AKAP13: variants seen among roughly 807,000 people sequenced by gnomAD.
The protein encoded by AKAP13 is A-kinase anchoring protein 13, also known as A-kinase anchor protein 13.
AKAP13 carries 80 observed loss-of-function variants against 264.5 expected under a neutral mutation model. The observed-to-expected ratio is 0.30, with a 90% CI of 0.25 to 0.36. AKAP13 has a LOEUF of 0.36. Ranked by LOEUF, AKAP13 falls within the 10% of genes least tolerant of loss-of-function variation. The pLI, the probability that AKAP13 is intolerant of heterozygous loss-of-function variation, is 1.00. For synonymous variants in AKAP13, 1,380 were observed against 1,250.2 expected (o/e 1.10, Z -2.19); for missense variants, 3,712 against 3,435.2 (o/e 1.08, Z -2.01).
At chr15:85,548,919 T>C (rs1452963320) in intron 5 of AKAP13, among the ~76,000 whole-genome samples, 1 of 151,678 alleles carries the variant, frequency 6.6e-6, no homozygotes, top group African/African-American at 2.4e-5. Flanking sequence ...TTTTTTTTTT[T>C]TGGTCTCACA....
chr15:85,610,600 C>T (rs1168883305), intron 8 of AKAP13, among the ~76,000 whole-genome samples: 1 of 152,092 alleles, frequency 6.6e-6, no homozygotes, highest in Admixed American at 6.5e-5. Flanking sequence ...TTATAGCAAC[C>T]ATTATATAAG....
chr15:85,543,878 C>A lies in AKAP13; in HGVS notation c.585C>A (p.Ile195=). The part of the protein sequence containing the change: ...QKPGGRGALS[I]HNQEGATPVS... ...CAGGTGGCCGCGGAGCTCTCAGTAT[C>A]CACAACCAGGAAGGGGCGACGCCTG... is the stretch of plus-strand genomic sequence containing the variant. Residue 195 remains isoleucine (I), a synonymous_variant, in exon 5 of 37, where the codon ATC becomes ATA. Coordinates refer to ENST00000394518, the MANE Select transcript of AKAP13 (RefSeq NM_007200.5). 2 of 1,614,086 alleles carry A rather than the reference C, an allele frequency of 1.2e-6. No individual in the cohort carries two copies. The highest frequency in any genetic ancestry group is 1.7e-5 in the Admixed American group (1 of 60,006).
chr15:85,578,817 T>A (rs913972033), intron 6 of AKAP13, 113 bp from the exon 7 acceptor site: 1 of 949,008 alleles, frequency 1.1e-6, no homozygotes, highest in Non-Finnish European at 1.6e-6. Context: ...TCATGTGACC[T>A]TAGAAGAGCT....
At chr15:85,467,645 T>C (rs1489979169) in intron 1 of AKAP13, among the ~76,000 whole-genome samples, 1 of 152,242 alleles carries the variant, frequency 6.6e-6, no homozygotes, top group Admixed American at 6.5e-5. Context: ...TTTTCATATC[T>C]GTTTCTCTTG....
chr15:85,685,395 A>G (rs865816637), intron 16 of AKAP13: 1 of 152,224 alleles, frequency 6.6e-6, no homozygotes, highest in African/African-American at 2.4e-5. Flanking sequence ...TCTTAGATCT[A>G]TTTCTAATTA....
chr15:85,515,053 G>T lies in AKAP13; in HGVS notation c.34-6375G>T, dbSNP rs1420284840. Among the ~76,000 whole-genome samples the T allele has an allele frequency of 5.1e-5, 7 of 137,618 alleles. 1 individual carries two copies. Among genetic ancestry groups the T allele is most frequent in the Non-Finnish European group, 7.8e-5 (5 of 64,490 alleles). 90.3% of individuals were successfully genotyped at this position (137,618 alleles called of 152,430 possible). On this transcript the variant is annotated intron_variant, in intron 2 of 36. Transcript: ENST00000394518. Reference sequence around the variant, plus strand: ...GATTCTGGATTGAAAGGTAGTTTTTGTTATAATTTCACAATTCTTGGAGCC... The same window carrying T: ...GATTCTGGATTGAAAGGTAGTTTTTTTTATAATTTCACAATTCTTGGAGCC...
At chr15:85,423,730 G>T (rs536094580) in intron 1 of AKAP13, among the ~76,000 whole-genome samples, 7 of 152,292 alleles carry the variant, frequency 4.6e-5, no homozygotes, top group African/African-American at 1.7e-4. Flanking sequence ...TTTGCAGAAG[G>T]TTTTCAGTTG....
At chr15:85,685,466 G>C (rs1567194616) in intron 16 of AKAP13, 1 of 144,316 alleles carries the variant, frequency 6.9e-6, no homozygotes, top group African/African-American at 2.6e-5. Context: ...TAAACCGTGT[G>C]TGTGTGTGTG....
At position 85,521,461 on chromosome 15, in the gene AKAP13, G is replaced by A; in HGVS notation, c.67G>A (p.Glu23Lys). ...TGTTGTTACAGTGCTGCTTGCTGAA[G>A]AGGACAAAGCTGAAGATGATGTAGT... The part of the protein sequence containing the change: ...DCVVTVLLAE[E>K]DKAEDDVVFY... Residue 23 changes from glutamate (E) to lysine (K), a missense_variant, in exon 3 of 37, where the codon GAG becomes AAG. This residue lies in a region of AKAP13 where 2,759 missense variants were observed against 2,411.7 expected (regional missense o/e 1.14). Transcript: ENST00000394518. 4 of 1,614,082 alleles carry A rather than the reference G, an allele frequency of 2.5e-6. No homozygotes were observed. Among genetic ancestry groups the A allele is most frequent in the Non-Finnish European group, 3.4e-6 (4 of 1,179,980 alleles).
intron 8 of AKAP13, among the ~76,000 whole-genome samples, chr15:85,588,559 G>T (rs1047981574): frequency 6.6e-6 from 1 of 151,990 alleles, no homozygotes; most frequent in Admixed American, 6.6e-5. Context: ...TTCTGATGAG[G>T]GATATCTCTA....
chr15:85,567,547 A>C (rs1356340895), intron 5 of AKAP13, among the ~76,000 whole-genome samples: 2 of 152,212 alleles, frequency 1.3e-5, no homozygotes, highest in African/African-American at 4.8e-5. Context: ...AGCTGTGTGC[A>C]TGTGCTTTTG....
intron 9 of AKAP13, among the ~76,000 whole-genome samples, chr15:85,645,567 C>T (rs900830964): frequency 1.3e-4 from 20 of 152,024 alleles, no homozygotes; most frequent in Admixed American, 2.6e-4. Flanking sequence ...CTAATATAAA[C>T]GTGGCAGATG....
intron 8 of AKAP13, among the ~76,000 whole-genome samples, chr15:85,600,148 C>A (rs2079991190): frequency 6.6e-6 from 1 of 152,034 alleles, no homozygotes; most frequent in African/African-American, 2.4e-5. Flanking sequence ...AAAAGGATAA[C>A]TAAACATAAG....
Position 85,741,099 on chromosome 15 carries a change from C to G in AKAP13, c.7662C>G (p.Ser2554Arg). 6.2e-7 allele frequency: 1 copy of G among 1,613,412 alleles called. No homozygotes were observed. Among genetic ancestry groups the G allele is most frequent in the Non-Finnish European group, 8.5e-7 (1 of 1,179,794 alleles). The change falls in exon 35 of 37, where the codon AGC (serine) becomes AGG (arginine). Residue 2554 changes from serine to arginine, a missense_variant. Physicochemically the swap from Ser to Arg is moderately radical, Grantham distance 110. Around this residue, in one of 3 missense-constraint regions of AKAP13, gnomAD observed 611 missense variants for 539.3 expected, o/e 1.13. Transcript: ENST00000394518. ...TTGAGGACCAGAAACTGGTGCTGAGCGAGAGGGCGCTCACTCGCAGCTTGT... is the reference window on the plus strand; with the variant it reads ...TTGAGGACCAGAAACTGGTGCTGAGGGAGAGGGCGCTCACTCGCAGCTTGT... The part of the protein sequence containing the change: ...SYIEDQKLVL[S>R]ERALTRSLSR...
chr15:85,710,216 G>C (rs1430727078), intron 18 of AKAP13, among the ~76,000 whole-genome samples: 1 of 152,134 alleles, frequency 6.6e-6, no homozygotes, highest in African/African-American at 2.4e-5. Flanking sequence ...AATCTACTGG[G>C]GAAGACGGAC....
At chr15:85,669,960 T>C (rs2083823100) in intron 14 of AKAP13, 130 bp downstream of exon 14, 2 of 518,860 alleles carry the variant, frequency 3.9e-6, no homozygotes, top group Admixed American at 6.7e-5. Context: ...AGTGAATGGC[T>C]CAGCACTTAA....
At chr15:85,510,627 G>T (rs1042453773) in intron 2 of AKAP13, among the ~76,000 whole-genome samples, 1 of 152,124 alleles carries the variant, frequency 6.6e-6, no homozygotes, top group African/African-American at 2.4e-5. Flanking sequence ...TTTAATTAAT[G>T]CAGGCTAGGT....
chr15:85,405,667 G>C (rs569597069), intron 1 of AKAP13, among the ~76,000 whole-genome samples: 1 of 152,290 alleles, frequency 6.6e-6, no homozygotes, highest in East Asian at 1.9e-4. Flanking sequence ...GCAGGATCCA[G>C]AACTTCGGCC....
chr15:85,397,779 G>A (rs528556255), intron 1 of AKAP13, among the ~76,000 whole-genome samples: 33 of 152,092 alleles, frequency 2.2e-4, no homozygotes, highest in Non-Finnish European at 3.7e-4. Flanking sequence ...TGGGCACCAG[G>A]GATTGAGGAA....
Sources: allele counts gnomAD v4.1 joint callset (sites outside exome capture counted in the v4.1 genomes callset), GRCh38; gene constraint gnomAD v4.1.1; regional missense constraint gnomAD v4.1.1; transcripts MANE v1.5; gene names NCBI Gene and HGNC (gene_info 2026-07-23, HGNC 2026-07-21).